Variants in LDB2 observed in about 807,000 individuals in gnomAD.
LDB2 encodes LIM domain-binding protein 2.
A neutral mutation model predicts 44.3 loss-of-function variants in LDB2; 12 were observed. The observed-to-expected ratio is 0.27, with a 90% CI of 0.17 to 0.44. LDB2 has a LOEUF of 0.44. Ranked by LOEUF, LDB2 falls within the 20% of genes least tolerant of loss-of-function variation. The pLI is 1.00. For synonymous variants in LDB2, 164 were observed against 174.8 expected, an observed-to-expected ratio of 0.94 and a Z score of 0.49; for missense variants, 344 against 473.5, an observed-to-expected ratio of 0.73 and a Z score of 2.54.
At chr4:16,508,435 A>ATT (rs373952474) in intron 7 of LDB2, 100 bp downstream of exon 7, 1,102 of 838,240 alleles carry the variant, frequency 1.3e-3, no homozygotes, top group East Asian at 4.2e-3. Flanking sequence ...CCTGCCCAGG[A>ATT]TTTTTTTTTT....
In LDB2 at chr4:16,898,543, A is replaced by T; in HGVS notation, c.-58T>A. 1 of 1,585,688 alleles carries T rather than the reference A, an allele frequency of 6.3e-7. No homozygotes were observed. Among genetic ancestry groups the T allele is most frequent in the Non-Finnish European group, 8.6e-7 (1 of 1,158,790 alleles). ...AGTATCAGTAACGTCCATGCAGAGC[A>T]CATGGGCTGTGTTCTTCCCAGTACA... On this transcript the variant is annotated 5_prime_UTR_variant, in exon 1 of 8. Transcript: ENST00000304523.
intron 1 of LDB2, among the ~76,000 whole-genome samples, chr4:16,774,514 C>A (rs903405715): frequency 6.6e-6 from 1 of 152,248 alleles, no homozygotes; most frequent in African/African-American, 2.4e-5. Context: ...ATTCTTGTTG[C>A]TTACCTGGCA....
At chr4:16,792,571 C>T (rs1308457045) in intron 1 of LDB2, among the ~76,000 whole-genome samples, 2 of 152,228 alleles carry the variant, frequency 1.3e-5, no homozygotes, top group Non-Finnish European at 2.9e-5. Flanking sequence ...AATTATCTAA[C>T]TGCTCCTTCT....
At chr4:16,742,304 T>G (rs13128281) in intron 2 of LDB2, among the ~76,000 whole-genome samples, 46,532 of 151,974 alleles carry the variant, frequency 0.31, 7,746 homozygotes, top group Non-Finnish European at 0.38. Flanking sequence ...ACTCCTGACC[T>G]TGTGATCCGC....
intron 1 of LDB2, among the ~76,000 whole-genome samples, chr4:16,763,183 C>T (rs950920703): frequency 6.7e-6 from 1 of 150,374 alleles, no homozygotes; most frequent in African/African-American, 2.5e-5. Flanking sequence ...CCTTTAAGTT[C>T]ATAGTGCCAG....
chr4:16,694,254 C>G (rs1474116931), intron 2 of LDB2, among the ~76,000 whole-genome samples: 2 of 152,184 alleles, frequency 1.3e-5, no homozygotes, highest in African/African-American at 4.8e-5. Context: ...GAAAACAGCA[C>G]TTTACAAACA....
intron 2 of LDB2, among the ~76,000 whole-genome samples, chr4:16,746,311 T>A (rs1764375517): frequency 6.6e-6 from 1 of 152,192 alleles, no homozygotes; most frequent in African/African-American, 2.4e-5. Context: ...ACCAACTACG[T>A]GTCTGACTCC....
At position 16,558,350 on chromosome 4, in the gene LDB2, C is replaced by T. The variant is rs547288181; in HGVS notation, c.615+27572G>A. On this transcript the variant is annotated intron_variant, in intron 5 of 7. Transcript: ENST00000304523. ...AAATGTGTAACTAGAATAACCAATA[C>T]ACAGAAGTGCCTAAAGGAGCTGATG... is the stretch of plus-strand genomic sequence containing the variant. Among the ~76,000 whole-genome samples the T allele has an allele frequency of 4.6e-3, 706 of 152,230 alleles. 6 individuals carry two copies. Among genetic ancestry groups the T allele is most frequent in the African/African-American group, 0.016 (667 of 41,530 alleles).
At chr4:16,697,225 C>T (rs1046589000) in intron 2 of LDB2, among the ~76,000 whole-genome samples, 9 of 150,076 alleles carry the variant, frequency 6.0e-5, no homozygotes, top group Non-Finnish European at 1.0e-4. Flanking sequence ...GAGATCGAGA[C>T]CATCCTGGCT....
intron 5 of LDB2, among the ~76,000 whole-genome samples, chr4:16,564,100 G>T (rs1743588793): frequency 6.6e-6 from 1 of 152,020 alleles, no homozygotes; most frequent in South Asian, 2.1e-4. Context: ...TGGTCTTCAA[G>T]ATTTTAATTA....
intron 1 of LDB2, among the ~76,000 whole-genome samples, chr4:16,838,921 C>T (rs1785371198): frequency 6.6e-6 from 1 of 152,164 alleles, no homozygotes; most frequent in Non-Finnish European, 1.5e-5. Flanking sequence ...TTTTAAGCTT[C>T]CTTCCCTAGG....
At chr4:16,557,630 G>A (rs948228309) in intron 5 of LDB2, among the ~76,000 whole-genome samples, 11 of 152,244 alleles carry the variant, frequency 7.2e-5, no homozygotes, top group Non-Finnish European at 1.3e-4. Flanking sequence ...TCCACCTCTG[G>A]GGGCAGGGCA....
At chr4:16,713,012 A>G (rs1756269640) in intron 2 of LDB2, among the ~76,000 whole-genome samples, 1 of 152,262 alleles carries the variant, frequency 6.6e-6, no homozygotes, top group East Asian at 1.9e-4. Flanking sequence ...ATGGAATACT[A>G]TTTGGCAATA....
At chr4:16,503,835 T>C (rs776173769) in intron 7 of LDB2, among the ~76,000 whole-genome samples, 6 of 152,160 alleles carry the variant, frequency 3.9e-5, no homozygotes, top group Non-Finnish European at 7.3e-5. Context: ...AGCCACCTAC[T>C]GTAGCTGGGA....
intron 1 of LDB2, among the ~76,000 whole-genome samples, chr4:16,855,616 A>G (rs1789204711): frequency 6.6e-6 from 1 of 152,150 alleles, no homozygotes; most frequent in African/African-American, 2.4e-5. Flanking sequence ...AATTCACAGT[A>G]TTTATTGTCA....
intron 2 of LDB2, among the ~76,000 whole-genome samples, chr4:16,640,962 G>A (rs1455742844): frequency 6.6e-6 from 1 of 152,092 alleles, no homozygotes; most frequent in Admixed American, 6.6e-5. Flanking sequence ...CTCTAGGCTT[G>A]GAGTCCTTGT....
chr4:16,670,987 G>T (rs567938315), intron 2 of LDB2, among the ~76,000 whole-genome samples: 82 of 152,152 alleles, frequency 5.4e-4, no homozygotes, highest in African/African-American at 1.6e-3. Context: ...TACAGCTGGT[G>T]TGTGGGGAAC....
chr4:16,575,602 C>CA (rs1334540131), intron 5 of LDB2, among the ~76,000 whole-genome samples: 2 of 152,184 alleles, frequency 1.3e-5, no homozygotes, highest in Non-Finnish European at 2.9e-5. Context: ...TAATATGAAG[C>CA]ACCTTTTCTG....
intron 5 of LDB2, among the ~76,000 whole-genome samples, chr4:16,536,596 T>C (rs946275924): frequency 6.6e-6 from 1 of 152,200 alleles, no homozygotes; most frequent in Non-Finnish European, 1.5e-5. Flanking sequence ...CAAATTGTAC[T>C]ATGGAATGAG....
Sources: allele counts gnomAD v4.1 joint callset (sites outside exome capture counted in the v4.1 genomes callset), GRCh38; gene constraint gnomAD v4.1.1; transcripts MANE v1.5; gene names NCBI Gene and HGNC (gene_info 2026-07-23, HGNC 2026-07-21).